The following ZFYVE26 variants were observed in gnomAD, a reference collection of about 807,000 sequenced individuals.
ZFYVE26 encodes the protein zinc finger FYVE-type containing 26, also known as zinc finger FYVE domain-containing protein 26.
ZFYVE26 carries 181 observed loss-of-function variants against 276.5 expected under a neutral mutation model. The ratio of observed to expected loss-of-function variants is 0.65; its 90% CI spans 0.58 to 0.74. The LOEUF is 0.74. Among genes scored for constraint, ZFYVE26 ranks in the 30% least tolerant of loss-of-function variants. The pLI is 0.00. For missense variants in ZFYVE26, 2,821 were observed against 3,097.9 expected (o/e 0.91, Z 2.12); for synonymous variants, 1,129 against 1,203.1 (o/e 0.94, Z 1.27).
At chr14:67,762,491 A>G in intron 33 of ZFYVE26, 79 bp from the exon 34 acceptor site, 1 of 1,546,794 alleles carries the variant, frequency 6.5e-7, no homozygotes, top group South Asian at 1.2e-5. Context: ...TCTATTCCCA[A>G]GTTGCCAACC....
intron 39 of ZFYVE26, among the ~76,000 whole-genome samples, chr14:67,753,182 G>T (rs1007487395): frequency 3.3e-5 from 5 of 152,210 alleles, no homozygotes; most frequent in African/African-American, 1.2e-4. Context: ...AGCTCCTGGG[G>T]TATCTGCATG....
At chr14:67,769,869 G>T (rs1594898776) in intron 28 of ZFYVE26, 139 bp from the exon 29 acceptor site, 6 of 1,164,256 alleles carry the variant, frequency 5.2e-6, no homozygotes, top group East Asian at 2.5e-5. Flanking sequence ...ATTGGAAAAG[G>T]ACACACCAGT....
intron 35 of ZFYVE26, among the ~76,000 whole-genome samples, chr14:67,757,521 A>C (rs2038809211): frequency 6.6e-6 from 1 of 152,008 alleles, no homozygotes; most frequent in South Asian, 2.1e-4. Flanking sequence ...GTCTAAAATT[A>C]TACAAGCCAC....
intron 14 of ZFYVE26, among the ~76,000 whole-genome samples, chr14:67,791,769 G>C (rs1041288192): frequency 6.6e-6 from 1 of 152,024 alleles, no homozygotes; most frequent in Non-Finnish European, 1.5e-5. Flanking sequence ...TATTAGAAAG[G>C]CTGGGGAGGG....
chr14:67,778,077 A>C, intron 24 of ZFYVE26, 49 bp downstream of exon 24: 1 of 1,613,394 alleles, frequency 6.2e-7, no homozygotes. Context: ...GATTTGACTA[A>C]ACTTCTTGTC....
chr14:67,814,947 A>G lies in ZFYVE26; in HGVS notation c.194+823T>C, dbSNP rs541253460. ...GAAGGAAAACCCAAGGAAAGACTTA[A>G]AACGGTACATTTGACTCCTACATCA... On this transcript the variant is annotated intron_variant, in intron 2 of 41. Coordinates refer to ENST00000347230, the MANE Select transcript of ZFYVE26 (RefSeq NM_015346.4). Among the ~76,000 whole-genome samples the G allele has an allele frequency of 5.9e-5, 9 of 152,338 alleles. No individual in the cohort carries two copies. The South Asian group carries it at 1.9e-3, about 32-fold the overall frequency.
chr14:67,804,105 CT>C lies in ZFYVE26; in HGVS notation c.1430del (p.Glu477GlyfsTer13), dbSNP rs753212543. On this transcript the variant is annotated frameshift_variant, in exon 9 of 42. Coordinates refer to ENST00000347230, the MANE Select transcript of ZFYVE26 (RefSeq NM_015346.4). LOFTEE classifies it high-confidence loss of function. ...QKVPAKDPQQEPDAVDAPVPE... is the reference protein window; with the variant it reads ...QKVPAKDPQQXPDAVDAPVPE... ...GGTCATTCCATCCCAACTCACCAGG[CT>C]CTTGCTGGGGGTCCTTGGCTGGCAC... The C allele has an allele frequency of 6.2e-7, 1 of 1,614,130 alleles. No individual in the cohort carries two copies. The highest frequency in any genetic ancestry group is 1.1e-5 in the South Asian group (1 of 91,080).
chr14:67,814,258 C>T lies in ZFYVE26; in HGVS notation c.195-194G>A, dbSNP rs1393798635. 5.9e-5 allele frequency among the ~76,000 whole-genome samples: 9 copies of T among 152,264 alleles called. No individual in the cohort carries two copies. In the East Asian group the frequency reaches 1.7e-3, roughly 29 times the overall value. On this transcript the variant is annotated intron_variant, in intron 2 of 41. Transcript: ENST00000347230. ...ACCAGGCCAGGCAAGGTGGCTCACA[C>T]CGGTAATCTCAGCACTTTGGGAGGC...
chr14:67,797,478 C>T (rs2039977758), intron 12 of ZFYVE26, 194 bp downstream of exon 12: 1 of 663,196 alleles, frequency 1.5e-6, no homozygotes, highest in African/African-American at 1.8e-5. Context: ...AAAGGATATA[C>T]ATGTTTATAT....
intron 32 of ZFYVE26, 31 bp from the exon 33 acceptor site, chr14:67,762,850 G>A: frequency 6.2e-7 from 1 of 1,612,278 alleles, no homozygotes; most frequent in Non-Finnish European, 8.5e-7. Flanking sequence ...AGGCCATGAG[G>A]CTCCCTAGTG....
intron 13 of ZFYVE26, chr14:67,735,315 C>T (rs576515555): frequency 4.4e-5 from 36 of 811,596 alleles, no homozygotes; most frequent in East Asian, 2.7e-4. Flanking sequence ...TGTAGTGTCT[C>T]GCCCGACACC....
chr14:67,785,852 T>A lies in ZFYVE26; in HGVS notation c.3304+6A>T. On this transcript the variant is annotated splice_donor_region_variant and intron_variant, in intron 18 of 41. Transcript: ENST00000347230. The stretch of plus-strand genomic sequence containing the variant: ...TTTATTTGTTCCCAAGCAGACAGCC[T>A]TATACCTGGCAGCTCTAGTGCCTCT... 2 of 1,614,110 alleles carry A rather than the reference T, an allele frequency of 1.2e-6. No individual in the cohort carries two copies. The highest frequency in any genetic ancestry group is 1.7e-6 in the Non-Finnish European group (2 of 1,180,012).
intron 3 of ZFYVE26, among the ~76,000 whole-genome samples, chr14:67,809,551 T>C (rs955362223): frequency 6.8e-6 from 1 of 147,928 alleles, no homozygotes; most frequent in Non-Finnish European, 1.5e-5. Flanking sequence ...GCCTCCCGAG[T>C]AGCTGGGATT....
In ZFYVE26 at chr14:67,813,985, C is replaced by A; in HGVS notation, c.273+1G>T. The A allele has an allele frequency of 6.2e-7, 1 of 1,612,532 alleles. No individual in the cohort carries two copies. Among genetic ancestry groups the A allele is most frequent in the Non-Finnish European group, 8.5e-7 (1 of 1,178,728 alleles). The stretch of plus-strand genomic sequence containing the variant: ...GGAAAATTTAATATAAACCTACTTA[C>A]CTTTTCCCGGGCCAACCATTTCTCC... On this transcript the variant is annotated splice_donor_variant, in intron 3 of 41. Coordinates refer to ENST00000347230, the MANE Select transcript of ZFYVE26 (RefSeq NM_015346.4). LOFTEE classifies it high-confidence loss of function.
At chr14:67,734,381 A>G (rs1162799449) in intron 13 of ZFYVE26, 1 of 155,656 alleles carries the variant, frequency 6.4e-6, no homozygotes, top group Admixed American at 6.2e-5. Context: ...AATCATGCAG[A>G]TGGTTTCTTT....
intron 35 of ZFYVE26, among the ~76,000 whole-genome samples, chr14:67,759,049 C>T (rs1316630969): frequency 2.0e-5 from 3 of 151,154 alleles, no homozygotes; most frequent in African/African-American, 4.9e-5. Context: ...ACCATCCTGG[C>T]TAACATGGTG....
intron 5 of ZFYVE26, among the ~76,000 whole-genome samples, chr14:67,806,984 A>G (rs1166756533): frequency 2.6e-5 from 4 of 152,126 alleles, no homozygotes; most frequent in African/African-American, 7.2e-5. Context: ...AGGCTGGAAT[A>G]CAGCGGTGCA....
rs1193264190 is a variant in ZFYVE26, at chr14:67,748,179, C to A, written c.*257G>T. On this transcript the variant is annotated 3_prime_UTR_variant, in exon 42 of 42. Coordinates refer to ENST00000347230, the MANE Select transcript of ZFYVE26 (RefSeq NM_015346.4). ...GCACACGTGTGTGCACACATACTCA[C>A]TCACTCACTCTGAGGTAGAAAGAAC... is the stretch of plus-strand genomic sequence containing the variant. 1.8e-6 allele frequency: 1 copy of A among 558,172 alleles called. No individual in the cohort carries two copies. The highest frequency in any genetic ancestry group is 3.0e-5 in the East Asian group (1 of 33,084). The allele number at this position is 558,172 out of a possible 1,614,324, so 34.6% of individuals were successfully genotyped here. A position where few individuals can be genotyped will look rare whatever the true frequency, so the allele number is the denominator to read the frequency against.
chr14:67,746,165 T>C (rs1249917700), downstream of ZFYVE26, among the ~76,000 whole-genome samples: 1 of 152,152 alleles, frequency 6.6e-6, no homozygotes, highest in East Asian at 1.9e-4. Context: ...GCTCTGGAAC[T>C]GTACACTAGA....
Sources: allele counts gnomAD v4.1 joint callset (sites outside exome capture counted in the v4.1 genomes callset), GRCh38; gene constraint gnomAD v4.1.1; transcripts MANE v1.5; gene names NCBI Gene and HGNC (gene_info 2026-07-23, HGNC 2026-07-21).